The following COL11A1 variants were observed in gnomAD, a reference collection of about 807,000 sequenced individuals.
The protein encoded by COL11A1 is collagen type XI alpha 1 chain, also known as collagen alpha-1(XI) chain.
In COL11A1, 74 loss-of-function variants were observed where a neutral mutation model predicts 265.2. The observed-to-expected ratio is 0.28, with a 90% CI of 0.23 to 0.34. COL11A1 has a LOEUF of 0.34. COL11A1 is among the 10% of genes least tolerant of loss of function. COL11A1 has a pLI of 1.00. For missense variants in COL11A1, 2,165 were observed against 2,263.6 expected (o/e 0.96, Z 0.88); for synonymous variants, 816 against 727.6 (o/e 1.12, Z -1.96).
chr1:102,919,362 AT>A (rs1425886130), intron 49 of COL11A1, among the ~76,000 whole-genome samples: 1 of 151,844 alleles, frequency 6.6e-6, no homozygotes, highest in African/African-American at 2.4e-5. Flanking sequence ...ATCTTATTAC[AT>A]TTTTCTGAGA....
At chr1:102,964,827 G>C (rs532145097) in intron 38 of COL11A1, among the ~76,000 whole-genome samples, 10 of 152,214 alleles carry the variant, frequency 6.6e-5, no homozygotes, top group African/African-American at 2.4e-4. Flanking sequence ...CATTCAATAT[G>C]CTTTGCCAGG....
chr1:102,963,648 C>A (rs188090907), intron 38 of COL11A1, among the ~76,000 whole-genome samples: 3 of 152,134 alleles, frequency 2.0e-5, no homozygotes, highest in Non-Finnish European at 4.4e-5. Flanking sequence ...GCAACATAGT[C>A]TTAACTATTT....
Position 102,886,828 on chromosome 1 carries a change from T to C in COL11A1, c.4837A>G (p.Ser1613Gly). 1 of 1,613,950 alleles carries C rather than the reference T, an allele frequency of 6.2e-7. No homozygotes were observed. Among genetic ancestry groups the C allele is most frequent in the Middle Eastern group, 1.7e-4 (1 of 6,058 alleles). ...ATACCATCTGGGAAGTCAGGATGGC[T>C]GAGTTGCAGGTCTTTACAAGTTCGG... ...PARTCKDLQL[S>G]HPDFPDGEYW... The change falls in exon 63 of 67, where the codon AGC becomes GGC. Residue 1613 changes from serine (S) to glycine (G), a missense_variant. By Grantham distance (56) the Ser-to-Gly change is moderately conservative. Coordinates refer to ENST00000370096, the MANE Select transcript of COL11A1 (RefSeq NM_001854.4).
chr1:102,999,562 G>C (rs1379228137), intron 24 of COL11A1, among the ~76,000 whole-genome samples: 1 of 151,472 alleles, frequency 6.6e-6, no homozygotes, highest in Non-Finnish European at 1.5e-5. Flanking sequence ...GATGTATTTG[G>C]TATATTTATC....
At chr1:103,051,387 G>A (rs1028210478) in intron 4 of COL11A1, among the ~76,000 whole-genome samples, 1 of 152,200 alleles carries the variant, frequency 6.6e-6, no homozygotes, top group Non-Finnish European at 1.5e-5. Flanking sequence ...CCGTGGGCAC[G>A]TAGGACCCTC....
In COL11A1 at chr1:102,899,389, A is replaced by G. The variant is rs78725576; in HGVS notation, c.4087-395T>C. Among the ~76,000 whole-genome samples, 1,337 of 152,232 alleles carry G rather than the reference A, an allele frequency of 8.8e-3. 18 individuals carry two copies. The highest frequency in any genetic ancestry group is 0.031 in the African/African-American group (1,275 of 41,540). ...TTTTATTCTCATATGTGTTTTAAGA[A>G]TGGCCCCTTCCTTAATCTTAGAATA... On this transcript the variant is annotated intron_variant, in intron 54 of 66. Coordinates refer to ENST00000370096, the MANE Select transcript of COL11A1 (RefSeq NM_001854.4).
chr1:102,959,227 T>C (rs1049199764), intron 41 of COL11A1, among the ~76,000 whole-genome samples: 2 of 152,242 alleles, frequency 1.3e-5, no homozygotes, highest in African/African-American at 4.8e-5. Context: ...CATCTTGCAA[T>C]TTCAGAGCTT....
Position 102,987,628 on chromosome 1 carries a change from C to T in COL11A1, c.2502+5G>A. 6.2e-7 allele frequency: 1 copy of T among 1,611,146 alleles called. No individual in the cohort carries two copies. ...GTACCAGTGAATTTAAAGTCATTTA[C>T]CAACCTTTTCTCCTGCTTGACCTGA... On this transcript the variant is annotated splice_donor_5th_base_variant and intron_variant, in intron 30 of 66. Coordinates refer to ENST00000370096, the MANE Select transcript of COL11A1 (RefSeq NM_001854.4).
intron 41 of COL11A1, among the ~76,000 whole-genome samples, chr1:102,947,865 C>A (rs1218136070): frequency 6.6e-6 from 1 of 151,646 alleles, no homozygotes; most frequent in Non-Finnish European, 1.5e-5. Flanking sequence ...AAAAAATTGT[C>A]TTTGGATTCT....
At position 102,999,197 on chromosome 1, in the gene COL11A1, T is replaced by C. The variant is rs371707905; in HGVS notation, c.2143-834A>G. 7.9e-5 allele frequency among the ~76,000 whole-genome samples: 12 copies of C among 152,102 alleles called. No individual in the cohort carries two copies. The East Asian group carries it at 2.3e-3, about 29-fold the overall frequency. On this transcript the variant is annotated intron_variant, in intron 24 of 66. Coordinates refer to ENST00000370096, the MANE Select transcript of COL11A1 (RefSeq NM_001854.4). ...AAATGCTGGACATATTTTTGGGCTT[T>C]TTCCATTCTCAGGGAGTAAAGTACA...
chr1:102,952,510 T>C (rs1184205732), intron 41 of COL11A1, among the ~76,000 whole-genome samples: 1 of 152,216 alleles, frequency 6.6e-6, no homozygotes, highest in South Asian at 2.1e-4. Context: ...TGCATTAAAA[T>C]TAGTGTAGAG....
rs1398745197 is a variant in COL11A1 at position 102,998,362 on chromosome 1, C to G, written c.2144G>C (p.Gly715Ala). The part of the protein sequence containing the change: ...QGPIGPPGEK[G>A]PQGKPGLAGL... ...AGCAAGTCCTGGTTTTCCTTGTGGT[C>G]CCTTATAGAGAAAAAAAAAATATTA... The change falls in exon 25 of 67, where the codon GGA becomes GCA. Residue 715 changes from glycine to alanine, a missense_variant and splice_region_variant. Physicochemically the swap from Gly to Ala is moderately conservative, Grantham distance 60 (BLOSUM62 0). Coordinates refer to ENST00000370096, the MANE Select transcript of COL11A1 (RefSeq NM_001854.4). The G allele has an allele frequency of 6.3e-7, 1 of 1,590,060 alleles. No individual in the cohort carries two copies. Among genetic ancestry groups the G allele is most frequent in the Non-Finnish European group, 8.6e-7 (1 of 1,168,292 alleles).
At chr1:103,028,008 TTTTG>T (rs753167488) in intron 5 of COL11A1, among the ~76,000 whole-genome samples, 14 of 151,748 alleles carry the variant, frequency 9.2e-5, no homozygotes, top group Middle Eastern at 3.2e-3. Context: ...TCTTTCTGTT[TTTTG>T]TTTGTTTGTT....
rs547728433 is a variant in COL11A1 at position 102,886,745 on chromosome 1, C to T, written c.4858+62G>A. 63 of 1,603,276 alleles carry T rather than the reference C, an allele frequency of 3.9e-5. No homozygotes were observed. The African/African-American group carries it at 7.1e-4, about 18-fold the overall frequency. ...ACATTTAACTAGAATGAATGAGCTG[C>T]CAATGCACCTCAGAAACTCAGGGGC... On this transcript the variant is annotated intron_variant, in intron 63 of 66. Coordinates refer to ENST00000370096, the MANE Select transcript of COL11A1 (RefSeq NM_001854.4).
chr1:102,994,296 G>A (rs1418921778), intron 28 of COL11A1, among the ~76,000 whole-genome samples: 1 of 152,054 alleles, frequency 6.6e-6, no homozygotes, highest in Non-Finnish European at 1.5e-5. Context: ...CCTGGTGGGG[G>A]GTGATAGGAT....
chr1:102,878,695 G>A (rs540462145), intron 66 of COL11A1, among the ~76,000 whole-genome samples: 2 of 151,066 alleles, frequency 1.3e-5, no homozygotes, highest in African/African-American at 4.9e-5. Context: ...ATTTTTAGTA[G>A]ATGAGGTTTC....
In COL11A1 at chr1:103,069,072, CAT is replaced by C. The variant is rs1013376303; in HGVS notation, c.651+5544_651+5545del. Among the ~76,000 whole-genome samples, 101 of 151,806 alleles carry C rather than the reference CAT, an allele frequency of 6.7e-4. 1 individual carries two copies. The highest frequency in any genetic ancestry group is 2.2e-3 in the African/African-American group (93 of 41,524). Reference sequence around the variant, plus strand: ...GTAGAAGTTAATAAGCTTATTCTAACATGTGTGTAGAAATGAAAATGACCCAA... The same window carrying C: ...GTAGAAGTTAATAAGCTTATTCTAACGTGTGTAGAAATGAAAATGACCCAA... On this transcript the variant is annotated intron_variant, in intron 4 of 66. Coordinates refer to ENST00000370096, the MANE Select transcript of COL11A1 (RefSeq NM_001854.4).
Position 102,878,005 on chromosome 1 carries a change from T to A in COL11A1, c.*14A>T. 1 of 1,613,120 alleles carries A rather than the reference T, an allele frequency of 6.2e-7. No individual in the cohort carries two copies. Among genetic ancestry groups the A allele is most frequent in the Middle Eastern group, 1.7e-4 (1 of 6,044 alleles). ...TATATTTTCTGTTGATTTGATATGT[T>A]CTTTGTCTTAATCTTAGCCAAGAAA... On this transcript the variant is annotated 3_prime_UTR_variant, in exon 67 of 67. Transcript: ENST00000370096.
At chr1:102,997,993 A>C (rs1423233937) in intron 25 of COL11A1, among the ~76,000 whole-genome samples, 1 of 151,886 alleles carries the variant, frequency 6.6e-6, no homozygotes, top group Non-Finnish European at 1.5e-5. Flanking sequence ...TAGAAAATTT[A>C]GATCATGCAA....
Sources: gnomAD v4.1 joint callset for allele counts (sites outside exome capture counted in the v4.1 genomes callset) on GRCh38, gnomAD v4.1.1 for gene constraint, MANE v1.5 for transcripts, NCBI Gene and HGNC (gene_info 2026-07-23, HGNC 2026-07-21) for gene names.